Variants in FRMPD4 observed in about 807,000 individuals in gnomAD.
FRMPD4 encodes the protein FERM and PDZ domain containing 4, also known as FERM and PDZ domain-containing protein 4.
Under a neutral mutation model 94.1 loss-of-function variants are expected in FRMPD4, and 22 were observed. The observed-to-expected ratio is 0.23, with a 90% CI of 0.17 to 0.33. FRMPD4 has a LOEUF of 0.33. FRMPD4 is among the 10% of genes least tolerant of loss of function. The pLI, the probability that FRMPD4 is intolerant of heterozygous loss-of-function variation, is 1.00. For missense variants in FRMPD4, 1,111 were observed against 1,339.9 expected, an observed-to-expected ratio of 0.83 and a Z score of 2.67; for synonymous variants, 631 against 548.6, an observed-to-expected ratio of 1.15 and a Z score of -2.10.
chrX:12,288,465 A>C (rs1342480692), intron 1 of FRMPD4, among the ~76,000 whole-genome samples: 2 of 111,469 alleles, frequency 1.8e-5, no homozygotes, highest in Non-Finnish European at 3.8e-5. Context: ...CTTGGGTGCT[A>C]TGCCTTAGTT....
At chrX:12,205,990 G>A (rs2056688083) in intron 1 of FRMPD4, among the ~76,000 whole-genome samples, 1 of 112,088 alleles carries the variant, frequency 8.9e-6, no homozygotes, top group Non-Finnish European at 1.9e-5. Context: ...AGCAGCCTGT[G>A]AAACGTACAA....
At chrX:12,455,456 C>T (rs1178273892) in intron 1 of FRMPD4, among the ~76,000 whole-genome samples, 1 of 111,885 alleles carries the variant, frequency 8.9e-6, no homozygotes, top group East Asian at 2.8e-4. Flanking sequence ...ATGTTAAGTC[C>T]TCATCATTCA....
At chrX:11,856,318 A>G (rs1288308366) in intron 1 of FRMPD4, among the ~76,000 whole-genome samples, 1 of 111,946 alleles carries the variant, frequency 8.9e-6, no homozygotes, top group Admixed American at 9.5e-5. Context: ...AAAATACTGG[A>G]AAACTGAAAC....
chrX:12,588,024 G>A (rs746097415), intron 2 of FRMPD4, among the ~76,000 whole-genome samples: 14 of 111,821 alleles, frequency 1.3e-4, no homozygotes, highest in African/African-American at 4.6e-4. Context: ...AGTCTTGCTC[G>A]GTCTCCCAGG....
chrX:12,212,292 C>G (rs2056762996), intron 1 of FRMPD4, among the ~76,000 whole-genome samples: 1 of 111,406 alleles, frequency 9.0e-6, no homozygotes, highest in Admixed American at 9.5e-5. Context: ...TTATTGACCC[C>G]TGTTCTAGAA....
chrX:12,044,982 T>G (rs1346417685), intron 3 of FRMPD4, among the ~76,000 whole-genome samples: 1 of 112,486 alleles, frequency 8.9e-6, no homozygotes. Context: ...CTTTTGCCTG[T>G]GGGCCAAATC....
chrX:12,516,785 G>A (rs1403812839), intron 2 of FRMPD4, among the ~76,000 whole-genome samples: 1 of 110,588 alleles, frequency 9.0e-6, no homozygotes, highest in Non-Finnish European at 1.9e-5. Flanking sequence ...CCTGAAGTAT[G>A]TTTTCCAACT....
chrX:12,110,606 A>T (rs1035943575), intron 3 of FRMPD4, among the ~76,000 whole-genome samples: 3 of 111,272 alleles, frequency 2.7e-5, no homozygotes, highest in African/African-American at 9.8e-5. Context: ...AGGATATTCA[A>T]TTAGGAAAAG....
chrX:12,440,277 C>T (rs1449690677), intron 1 of FRMPD4, among the ~76,000 whole-genome samples: 1 of 112,070 alleles, frequency 8.9e-6, no homozygotes, highest in African/African-American at 3.2e-5. Context: ...ATTTTATTTG[C>T]AACCCTCCAG....
chrX:12,205,119 A>T (rs1297508958), intron 1 of FRMPD4, among the ~76,000 whole-genome samples: 1 of 108,298 alleles, frequency 9.2e-6, no homozygotes, highest in African/African-American at 3.4e-5. Context: ...AGGCTTTTTA[A>T]TGATGAAGGC....
intron 1 of FRMPD4, among the ~76,000 whole-genome samples, chrX:12,310,198 G>A (rs1414249030): frequency 9.2e-6 from 1 of 108,535 alleles, no homozygotes; most frequent in Non-Finnish European, 1.9e-5. Context: ...GTCAAAGGGG[G>A]TTTGTTATCT....
At chrX:12,465,520 T>A (rs2057440231) in intron 1 of FRMPD4, among the ~76,000 whole-genome samples, 2 of 111,638 alleles carry the variant, frequency 1.8e-5, no homozygotes, top group South Asian at 7.6e-4. Context: ...CTAAGATAAA[T>A]GTGTCATTCC....
chrX:12,429,555 C>A (rs980411456), intron 1 of FRMPD4, among the ~76,000 whole-genome samples: 2 of 111,748 alleles, frequency 1.8e-5, no homozygotes, highest in Non-Finnish European at 3.8e-5. Flanking sequence ...GGCTTTCTTT[C>A]CATTCTTTCT....
rs373432340 is a variant in FRMPD4 at position 11,856,916 on chromosome X, G to T, written c.-160-8170G>T. Among the ~76,000 whole-genome samples, 13 of 111,628 alleles carry T rather than the reference G, an allele frequency of 1.2e-4. No individual in the cohort carries two copies. In the East Asian group the frequency reaches 3.4e-3, roughly 29 times the overall value. ...CTAGCAATCCTAGACACCAACAACA[G>T]TCAAGCCAAGAGCCAAATCAGGAAT... On this transcript the variant is annotated intron_variant, in intron 1 of 18. Coordinates refer to the FRMPD4 transcript ENST00000640291.
intron 1 of FRMPD4, among the ~76,000 whole-genome samples, chrX:11,859,509 T>C (rs1205489252): frequency 8.9e-6 from 1 of 112,293 alleles, no homozygotes; most frequent in Non-Finnish European, 1.9e-5. Flanking sequence ...TGCTTCATTT[T>C]GCATAAAGTA....
chrX:12,689,200 T>A (rs1216788111), intron 7 of FRMPD4, among the ~76,000 whole-genome samples: 1 of 111,972 alleles, frequency 8.9e-6, no homozygotes, highest in Non-Finnish European at 1.9e-5. Flanking sequence ...GAAAAAAGTA[T>A]AGGTTGAAGA....
At chrX:11,952,853 C>A (rs1000298771) in intron 3 of FRMPD4, among the ~76,000 whole-genome samples, 1 of 111,526 alleles carries the variant, frequency 9.0e-6, no homozygotes, top group East Asian at 2.8e-4. Context: ...ATCAGCGTCA[C>A]CTTAAGCTTG....
chrX:12,517,857 G>T (rs961336638), intron 2 of FRMPD4, among the ~76,000 whole-genome samples: 1 of 112,781 alleles, frequency 8.9e-6, no homozygotes. Context: ...CCCCCAAGGG[G>T]CTCTTTTCCA....
intron 4 of FRMPD4, among the ~76,000 whole-genome samples, chrX:12,671,222 A>C (rs990099022): frequency 8.9e-6 from 1 of 111,838 alleles, no homozygotes; most frequent in Non-Finnish European, 1.9e-5. Flanking sequence ...TGACCCAGCA[A>C]TCCCATTACT....
Sources: allele counts gnomAD v4.1 joint callset (sites outside exome capture counted in the v4.1 genomes callset), GRCh38; gene constraint gnomAD v4.1.1; transcripts MANE v1.5; gene names NCBI Gene and HGNC (gene_info 2026-07-23, HGNC 2026-07-21).